BRINP3: variants seen among roughly 807,000 people sequenced by gnomAD.
BRINP3 encodes the protein BMP/retinoic acid-inducible neural-specific protein 3.
BRINP3 carries 19 observed loss-of-function variants against 71.0 expected under a neutral mutation model. That is an observed-to-expected ratio of 0.27 (90% CI 0.19 to 0.39). BRINP3 has a LOEUF of 0.39. BRINP3 is among the 10% of genes least tolerant of loss of function. The probability of loss-of-function intolerance (pLI) is 1.00; values close to 1 mark genes in which losing one functional copy is unlikely to be tolerated. For synonymous variants in BRINP3, 380 were observed against 337.7 expected (o/e 1.13, Z -1.37); for missense variants, 959 against 940.8 (o/e 1.02, Z -0.25).
At chr1:190,435,114 T>C (rs930785771) in intron 2 of BRINP3, among the ~76,000 whole-genome samples, 3 of 152,186 alleles carry the variant, frequency 2.0e-5, no homozygotes, top group African/African-American at 4.8e-5. Flanking sequence ...TCCTGATCAA[T>C]GAAATTGTTC....
At chr1:190,424,673 T>C (rs148539329) in intron 2 of BRINP3, among the ~76,000 whole-genome samples, 14 of 151,740 alleles carry the variant, frequency 9.2e-5, no homozygotes, top group East Asian at 5.8e-4. Flanking sequence ...GTAAGAGTAG[T>C]AGAAATATAT....
At chr1:190,113,029 T>A (rs1379665714) in intron 7 of BRINP3, among the ~76,000 whole-genome samples, 1 of 152,152 alleles carries the variant, frequency 6.6e-6, no homozygotes, top group Non-Finnish European at 1.5e-5. Flanking sequence ...TGGTGAAGGA[T>A]GTTTTAATTA....
chr1:190,465,430 T>C (rs528209906), intron 1 of BRINP3, among the ~76,000 whole-genome samples: 2 of 152,060 alleles, frequency 1.3e-5, no homozygotes, highest in South Asian at 2.1e-4. Context: ...GTCTCTATGT[T>C]GTCCAATTTT....
At chr1:190,218,651 A>G (rs1656612154) in intron 6 of BRINP3, among the ~76,000 whole-genome samples, 1 of 152,062 alleles carries the variant, frequency 6.6e-6, no homozygotes, top group Non-Finnish European at 1.5e-5. Context: ...ACAAGTCAAC[A>G]TGCTATGCTA....
At chr1:190,129,826 T>A (rs907393920) in intron 7 of BRINP3, among the ~76,000 whole-genome samples, 1 of 151,918 alleles carries the variant, frequency 6.6e-6, no homozygotes, top group African/African-American at 2.4e-5. Context: ...AATAAGAGAA[T>A]AATAATCATG....
In BRINP3 at chr1:190,157,274, G is replaced by A. The variant is rs74128857; in HGVS notation, c.1184+3394C>T. On this transcript the variant is annotated intron_variant, in intron 7 of 7. Transcript: ENST00000367462. The stretch of plus-strand genomic sequence containing the variant: ...CCACCAGGTTGAGGATGAGGAACTT[G>A]GTGATGGAAAAGGTTGTGTGAAAAT... 7.7e-3 allele frequency among the ~76,000 whole-genome samples: 1,166 copies of A among 152,126 alleles called. 23 individuals carry two copies. Among genetic ancestry groups the A allele is most frequent in the African/African-American group, 0.027 (1,131 of 41,508 alleles).
Position 190,409,365 on chromosome 1 carries a change from G to A in BRINP3, c.236+45290C>T, listed in dbSNP as rs116480664. Among the ~76,000 whole-genome samples the A allele has an allele frequency of 9.5e-3, 1,439 of 152,072 alleles. 26 individuals carry two copies. The highest frequency in any genetic ancestry group is 0.034 in the African/African-American group (1,398 of 41,476). ...CTGTAGGTTAAAAAATATTACTATGGACACAGCATAGTTTAGAAAAACACA... is the reference window on the plus strand; with the variant it reads ...CTGTAGGTTAAAAAATATTACTATGAACACAGCATAGTTTAGAAAAACACA... On this transcript the variant is annotated intron_variant, in intron 2 of 7. Coordinates refer to ENST00000367462, the MANE Select transcript of BRINP3 (RefSeq NM_199051.3).
chr1:190,351,829 A>G (rs763540283), intron 2 of BRINP3, among the ~76,000 whole-genome samples: 4 of 152,136 alleles, frequency 2.6e-5, no homozygotes, highest in East Asian at 3.9e-4. Flanking sequence ...CACCATTTCT[A>G]AGATGAACAA....
chr1:190,138,843 G>A (rs551480001), intron 7 of BRINP3, among the ~76,000 whole-genome samples: 2 of 152,270 alleles, frequency 1.3e-5, no homozygotes, highest in South Asian at 4.1e-4. Context: ...AAGATGCTGA[G>A]TAGCCTGTGT....
intron 6 of BRINP3, among the ~76,000 whole-genome samples, chr1:190,212,716 C>T (rs1324059224): frequency 6.6e-6 from 1 of 152,060 alleles, no homozygotes; most frequent in African/African-American, 2.4e-5. Context: ...GCTAGACACA[C>T]ATTACATAAG....
At chr1:190,382,265 C>G (rs2102254383) in intron 2 of BRINP3, among the ~76,000 whole-genome samples, 1 of 152,180 alleles carries the variant, frequency 6.6e-6, no homozygotes, top group East Asian at 1.9e-4. Flanking sequence ...TTCCTAATTA[C>G]TTCACACTTA....
chr1:190,185,968 G>A (rs1049377186), intron 6 of BRINP3, among the ~76,000 whole-genome samples: 39 of 151,952 alleles, frequency 2.6e-4, no homozygotes, highest in African/African-American at 8.9e-4. Context: ...TAATGAATAC[G>A]CTAATTACTC....
At chr1:190,173,615 C>T (rs1652225471) in intron 6 of BRINP3, among the ~76,000 whole-genome samples, 1 of 152,148 alleles carries the variant, frequency 6.6e-6, no homozygotes, top group Non-Finnish European at 1.5e-5. Context: ...TTGCTTATCT[C>T]AAGAACCCTT....
intron 6 of BRINP3, among the ~76,000 whole-genome samples, chr1:190,209,126 A>G (rs1471268461): frequency 6.6e-6 from 1 of 152,130 alleles, no homozygotes; most frequent in Non-Finnish European, 1.5e-5. Flanking sequence ...TACTGAATAA[A>G]TAAATTATAA....
In BRINP3 at chr1:190,180,191, C is replaced by T. The variant is rs116069776; in HGVS notation, c.962-19301G>A. Among the ~76,000 whole-genome samples, 495 of 152,146 alleles carry T rather than the reference C, an allele frequency of 3.3e-3. 1 individual carries two copies. The highest frequency in any genetic ancestry group is 0.011 in the African/African-American group (476 of 41,536). ...TGCCTACTTCAAAGGATCTAATGGG[C>T]CTAAATCCTAATTTCACCTGTTTGG... On this transcript the variant is annotated intron_variant, in intron 6 of 7. Transcript: ENST00000367462.
intron 4 of BRINP3, among the ~76,000 whole-genome samples, chr1:190,239,986 AT>A (rs777864714): frequency 2.3e-3 from 337 of 148,920 alleles, no homozygotes; most frequent in Middle Eastern, 5.7e-3. Flanking sequence ...AGAATACGTC[AT>A]TTTTTTTTTA....
chr1:190,371,100 C>T (rs1669832701), intron 2 of BRINP3, among the ~76,000 whole-genome samples: 1 of 151,996 alleles, frequency 6.6e-6, no homozygotes, highest in South Asian at 2.1e-4. Flanking sequence ...CTTTGGTTTG[C>T]AAATATTTTA....
chr1:190,238,294 ATACT>A (rs1215133588), intron 4 of BRINP3, among the ~76,000 whole-genome samples: 17 of 152,136 alleles, frequency 1.1e-4, no homozygotes, highest in Middle Eastern at 3.4e-3. Context: ...ATAAGAATTG[ATACT>A]TATTATTAAA....
At chr1:190,420,929 C>T (rs1399902416) in intron 2 of BRINP3, among the ~76,000 whole-genome samples, 1 of 151,750 alleles carries the variant, frequency 6.6e-6, no homozygotes, top group Non-Finnish European at 1.5e-5. Flanking sequence ...GAGGTCAGAA[C>T]AAGCTTGTTG....
Sources: gnomAD v4.1 joint callset for allele counts (sites outside exome capture counted in the v4.1 genomes callset) on GRCh38, gnomAD v4.1.1 for gene constraint, MANE v1.5 for transcripts, NCBI Gene and HGNC (gene_info 2026-07-23, HGNC 2026-07-21) for gene names.